The following GREM2 variants were observed in gnomAD, a reference collection of about 807,000 sequenced individuals.
The protein encoded by GREM2 is gremlin 2, DAN family BMP antagonist.
Under a neutral mutation model 14.2 loss-of-function variants are expected in GREM2, and 11 were observed. That is an observed-to-expected ratio of 0.78 (90% confidence interval 0.49 to 1.28). The LOEUF (loss-of-function observed/expected upper bound fraction) is 1.28. Ranked by LOEUF, GREM2 falls within the 50% of genes most tolerant of loss-of-function variation. GREM2 has a pLI of 0.00. For missense variants in GREM2, 210 were observed against 218.5 expected (o/e 0.96, Z 0.24); for synonymous variants, 98 against 97.6 (o/e 1.00, Z -0.02).
intron 1 of GREM2, among the ~76,000 whole-genome samples, chr1:240,571,527 C>G (rs1346084409): frequency 2.0e-5 from 3 of 151,988 alleles, no homozygotes; most frequent in Non-Finnish European, 4.4e-5. Context: ...AACCCCATCT[C>G]TATTAAAAAT....
rs1426424981 is a variant in GREM2, at chr1:240,492,509, G to C, written c.*460C>G. On this transcript the variant is annotated 3_prime_UTR_variant, in exon 2 of 2. Transcript: ENST00000318160. ...TGAGCGCTCCCAGCCAGAGGTCCAG[G>C]GACCAGCAGGAGAGGTCTGAGGGGC... The C allele has an allele frequency of 5.5e-6, 1 of 182,382 alleles. No homozygotes were observed. Among genetic ancestry groups the C allele is most frequent in the African/African-American group, 2.3e-5 (1 of 43,308 alleles). 11.3% of individuals were successfully genotyped at this position (182,382 alleles called of 1,614,324 possible). A position where few individuals can be genotyped will look rare whatever the true frequency, so the allele number is the denominator to read the frequency against.
At chr1:240,536,438 G>A (rs1440201458) in intron 1 of GREM2, among the ~76,000 whole-genome samples, 3 of 152,178 alleles carry the variant, frequency 2.0e-5, no homozygotes, top group African/African-American at 7.2e-5. Flanking sequence ...GGGATGGAAG[G>A]GTAAATTGGT....
At chr1:240,602,907 A>C (rs1679955845) in intron 1 of GREM2, among the ~76,000 whole-genome samples, 1 of 151,882 alleles carries the variant, frequency 6.6e-6, no homozygotes. Context: ...CCCCTTCTCT[A>C]CTAAAAATAC....
At chr1:240,522,024 G>A (rs1678111084) in intron 1 of GREM2, among the ~76,000 whole-genome samples, 1 of 150,926 alleles carries the variant, frequency 6.6e-6, no homozygotes, top group Non-Finnish European at 1.5e-5. Context: ...GGAGGCTGAT[G>A]TAGGAGGATT....
intron 1 of GREM2, among the ~76,000 whole-genome samples, chr1:240,604,859 T>C (rs750914781): frequency 1.3e-5 from 2 of 152,236 alleles, no homozygotes; most frequent in Non-Finnish European, 2.9e-5. Context: ...GAATAAATAG[T>C]AACTTCTCTT....
intron 1 of GREM2, among the ~76,000 whole-genome samples, chr1:240,607,943 C>G (rs1050124623): frequency 2.0e-5 from 3 of 152,090 alleles, no homozygotes; most frequent in Admixed American, 6.5e-5. Context: ...GAATTAAACA[C>G]AAGAATGTAT....
intron 1 of GREM2, among the ~76,000 whole-genome samples, chr1:240,601,930 A>G (rs942278110): frequency 5.4e-5 from 8 of 147,352 alleles, no homozygotes; most frequent in Non-Finnish European, 1.1e-4. Context: ...AAAAAAAAAA[A>G]AGGATATTGT....
At chr1:240,561,045 G>C (rs1679027106) in intron 1 of GREM2, among the ~76,000 whole-genome samples, 1 of 152,116 alleles carries the variant, frequency 6.6e-6, no homozygotes, top group Non-Finnish European at 1.5e-5. Context: ...TTAAGAAATA[G>C]ATAAGCATCA....
At chr1:240,566,442 C>T (rs1269780080) in intron 1 of GREM2, among the ~76,000 whole-genome samples, 1 of 152,078 alleles carries the variant, frequency 6.6e-6, no homozygotes, top group African/African-American at 2.4e-5. Context: ...TTCTAGGTTG[C>T]ACTGCAGGGA....
chr1:240,510,108 G>A (rs1022267634), intron 1 of GREM2, among the ~76,000 whole-genome samples: 12 of 152,202 alleles, frequency 7.9e-5, no homozygotes, highest in East Asian at 3.9e-4. Flanking sequence ...GGTGGCTCAC[G>A]CCTGTAATCC....
intron 1 of GREM2, among the ~76,000 whole-genome samples, chr1:240,590,104 T>C (rs181890163): frequency 6.6e-6 from 1 of 152,326 alleles, no homozygotes; most frequent in East Asian, 1.9e-4. Context: ...AACAGTTATC[T>C]GTGAGCAGGA....
chr1:240,546,799 C>T (rs1678733442), intron 1 of GREM2, among the ~76,000 whole-genome samples: 1 of 152,066 alleles, frequency 6.6e-6, no homozygotes, highest in Non-Finnish European at 1.5e-5. Context: ...GTGTATTAAA[C>T]TTTACTAAAT....
intron 1 of GREM2, among the ~76,000 whole-genome samples, chr1:240,603,060 T>A (rs1468887367): frequency 6.6e-6 from 1 of 151,282 alleles, no homozygotes; most frequent in African/African-American, 2.4e-5. Context: ...GTGACAGAGC[T>A]GCGACAGAGC....
intron 1 of GREM2, among the ~76,000 whole-genome samples, chr1:240,562,985 AGTGTGTAT>A (rs1476546445): frequency 4.5e-5 from 5 of 110,942 alleles, no homozygotes; most frequent in Admixed American, 1.8e-4. Context: ...TGTATATGTA[AGTGTGTAT>A]GTGTGTATAT....
intron 1 of GREM2, among the ~76,000 whole-genome samples, chr1:240,502,253 C>A (rs1238063314): frequency 6.6e-6 from 1 of 152,186 alleles, no homozygotes; most frequent in Non-Finnish European, 1.5e-5. Context: ...ACTCTTACTT[C>A]AAGCTACTTC....
chr1:240,490,394 C>T lies in GREM2; in HGVS notation c.*2575G>A, dbSNP rs1160701860. On this transcript the variant is annotated 3_prime_UTR_variant, in exon 2 of 2. Transcript: ENST00000318160. ...TGACATAAGCTAGAGGTTGAACTCA[C>T]CATGGTTGAACAAAAACTCTCTGAA... The T allele has an allele frequency of 6.6e-6, 1 of 152,584 alleles. No homozygotes were observed. The highest frequency in any genetic ancestry group is 2.4e-5 in the African/African-American group (1 of 41,424). The allele number at this position is 152,584 out of a possible 1,614,324, so 9.5% of individuals were successfully genotyped here.
At position 240,593,743 on chromosome 1, in the gene GREM2, C is replaced by T. The variant is rs544505438; in HGVS notation, c.-2+18141G>A. ...TTCCTAGTGTTTGTAAATGAATAGG[C>T]GTGATTGTTCTCAGTGTCTATTAAA... On this transcript the variant is annotated intron_variant, in intron 1 of 1. Coordinates refer to ENST00000318160, the MANE Select transcript of GREM2 (RefSeq NM_022469.4). Among the ~76,000 whole-genome samples, 10 of 152,102 alleles carry T rather than the reference C, an allele frequency of 6.6e-5. No homozygotes were observed. The East Asian group carries it at 9.7e-4, about 15-fold the overall frequency.
intron 1 of GREM2, among the ~76,000 whole-genome samples, chr1:240,551,412 A>C (rs183509960): frequency 2.6e-5 from 4 of 152,208 alleles, no homozygotes; most frequent in African/African-American, 9.6e-5. Flanking sequence ...GCAATGGCGC[A>C]ATCTCGGCCC....
intron 1 of GREM2, among the ~76,000 whole-genome samples, chr1:240,500,796 A>G (rs2103277106): frequency 6.6e-6 from 1 of 152,270 alleles, no homozygotes; most frequent in African/African-American, 2.4e-5. Context: ...ACTATTGCCA[A>G]TAGTGCTGAA....
Sources: allele counts gnomAD v4.1 joint callset (sites outside exome capture counted in the v4.1 genomes callset), GRCh38; gene constraint gnomAD v4.1.1; transcripts MANE v1.5; gene names NCBI Gene and HGNC (gene_info 2026-07-23, HGNC 2026-07-21).